TXK: variants seen among roughly 807,000 people sequenced by gnomAD.
The protein encoded by TXK is tyrosine-protein kinase TXK.
A neutral mutation model predicts 81.0 loss-of-function variants in TXK; 60 were observed. The observed-to-expected ratio is 0.74, with a 90% CI of 0.60 to 0.92. The LOEUF (loss-of-function observed/expected upper bound fraction) is 0.92, where lower values mean the gene tolerates loss of function less well. Ranked by LOEUF, TXK falls within the 40% of genes least tolerant of loss-of-function variation. The pLI, the probability that TXK is intolerant of heterozygous loss-of-function variation, is 0.00. For missense variants in TXK, 581 were observed against 638.3 expected (o/e 0.91, Z 0.97); for synonymous variants, 203 against 210.7 (o/e 0.96, Z 0.32).
intron 1 of TXK, among the ~76,000 whole-genome samples, chr4:48,124,146 T>C (rs1219429834): frequency 6.6e-6 from 1 of 152,116 alleles, no homozygotes; most frequent in African/African-American, 2.4e-5. Context: ...CTTCCCAATC[T>C]CACCACTATC....
intron 1 of TXK, among the ~76,000 whole-genome samples, chr4:48,129,903 G>C (rs548971518): frequency 1.3e-5 from 2 of 152,308 alleles, no homozygotes; most frequent in African/African-American, 4.8e-5. Flanking sequence ...ATGTGAAGAA[G>C]TGCTTGGCCA....
At chr4:48,094,761 A>G (rs1196894800) in intron 7 of TXK, among the ~76,000 whole-genome samples, 2 of 152,160 alleles carry the variant, frequency 1.3e-5, no homozygotes, top group South Asian at 2.1e-4. Context: ...AGGCACTTTC[A>G]GCTTAGCCAC....
intron 10 of TXK, among the ~76,000 whole-genome samples, chr4:48,080,662 T>TCTCACACA (rs370259787): frequency 1.4e-5 from 2 of 144,476 alleles, no homozygotes; most frequent in African/African-American, 5.2e-5. Flanking sequence ...TATTTGGTAA[T>TCTCACACA]CACACACACA....
chr4:48,082,847 C>A (rs1351341237), intron 10 of TXK, among the ~76,000 whole-genome samples: 1 of 152,140 alleles, frequency 6.6e-6, no homozygotes, highest in Non-Finnish European at 1.5e-5. Flanking sequence ...CTGGACCAGT[C>A]AGAGAATCGG....
intron 11 of TXK, among the ~76,000 whole-genome samples, chr4:48,077,354 G>A (rs1717112674): frequency 6.6e-6 from 1 of 152,142 alleles, no homozygotes; most frequent in African/African-American, 2.4e-5. Flanking sequence ...CAAGAAACTT[G>A]AAATAATAAA....
chr4:48,102,508 T>C (rs1255572874), intron 6 of TXK, among the ~76,000 whole-genome samples: 3 of 152,216 alleles, frequency 2.0e-5, no homozygotes, highest in Non-Finnish European at 4.4e-5. Flanking sequence ...GGCAAGAATG[T>C]TGGAAACCAG....
chr4:48,095,100 G>GCC, intron 7 of TXK, 43 bp downstream of exon 7: 2 of 1,425,244 alleles, frequency 1.4e-6, no homozygotes, highest in Non-Finnish European at 2.0e-6. Flanking sequence ...TGGAGACTGT[G>GCC]CCAGGGATTA....
chr4:48,089,866 A>C (rs1717691127), intron 8 of TXK, 42 bp from the exon 9 acceptor site: 4 of 1,394,782 alleles, frequency 2.9e-6, no homozygotes, highest in Non-Finnish European at 4.1e-6. Flanking sequence ...CTAGTTGCTA[A>C]TATAGAAGAA....
intron 12 of TXK, among the ~76,000 whole-genome samples, chr4:48,074,726 C>A (rs1279891478): frequency 6.6e-6 from 1 of 151,952 alleles, no homozygotes; most frequent in East Asian, 1.9e-4. Flanking sequence ...TGCTTGTTGC[C>A]CCTTAAATAT....
chr4:48,098,789 C>T (rs1190313039), intron 6 of TXK, among the ~76,000 whole-genome samples: 1 of 152,098 alleles, frequency 6.6e-6, no homozygotes, highest in Admixed American at 6.5e-5. Flanking sequence ...TAGCAAAACT[C>T]TGCCTCTACT....
Position 48,086,594 on chromosome 4 carries a change from C to T in TXK, c.828G>A (p.Glu276=). ...IDPSELAFIK[E]IGSGQFGVVH... is the part of the protein sequence containing the mutation. The stretch of plus-strand genomic sequence containing the variant: ...CCACTCCAAACTGACCGCTTCCAAT[C>T]TCCTTTATAAAAGCCAACTCAGATG... The change falls in exon 10 of 15, where the codon GAG becomes GAA. Residue 276 remains glutamate (E), a synonymous_variant. Coordinates refer to ENST00000264316, the MANE Select transcript of TXK (RefSeq NM_003328.3). The T allele has an allele frequency of 6.2e-7, 1 of 1,614,100 alleles. No individual in the cohort carries two copies. The highest frequency in any genetic ancestry group is 8.5e-7 in the Non-Finnish European group (1 of 1,179,990).
intron 1 of TXK, among the ~76,000 whole-genome samples, chr4:48,132,211 G>A (rs1191001499): frequency 6.6e-6 from 1 of 152,038 alleles, no homozygotes; most frequent in African/African-American, 2.4e-5. Flanking sequence ...GCTTTAATCT[G>A]ATATGACTGA....
chr4:48,125,524 C>G (rs1719068734), intron 1 of TXK, among the ~76,000 whole-genome samples: 1 of 152,222 alleles, frequency 6.6e-6, no homozygotes, highest in Non-Finnish European at 1.5e-5. Context: ...TTCCCCCGTT[C>G]AGGACTCCAG....
intron 10 of TXK, among the ~76,000 whole-genome samples, chr4:48,082,325 G>A (rs964847174): frequency 1.8e-4 from 28 of 152,146 alleles, no homozygotes; most frequent in African/African-American, 6.3e-4. Context: ...CAGACACTGA[G>A]ACTGATAGAA....
chr4:48,117,296 G>C (rs557734091), intron 1 of TXK, among the ~76,000 whole-genome samples: 21 of 152,278 alleles, frequency 1.4e-4, no homozygotes, highest in Non-Finnish European at 2.6e-4. Context: ...CATTCCTGTA[G>C]GATTTGGGTT....
intron 10 of TXK, among the ~76,000 whole-genome samples, chr4:48,085,634 C>A (rs1717492285): frequency 6.6e-6 from 1 of 152,076 alleles, no homozygotes; most frequent in Non-Finnish European, 1.5e-5. Context: ...CTGCCACACC[C>A]CTGTACTGTG....
intron 6 of TXK, among the ~76,000 whole-genome samples, chr4:48,100,617 A>G (rs1718157101): frequency 6.6e-6 from 1 of 152,202 alleles, no homozygotes; most frequent in African/African-American, 2.4e-5. Flanking sequence ...TACAACTCCT[A>G]CTGAGGACAT....
intron 8 of TXK, among the ~76,000 whole-genome samples, chr4:48,092,155 A>G (rs1028240020): frequency 6.6e-6 from 1 of 152,200 alleles, no homozygotes; most frequent in Admixed American, 6.5e-5. Flanking sequence ...ATCCTACTTC[A>G]TCAGTGAAGT....
intron 8 of TXK, among the ~76,000 whole-genome samples, chr4:48,090,767 A>T (rs1717733514): frequency 1.3e-5 from 2 of 152,322 alleles, no homozygotes; most frequent in African/African-American, 2.4e-5. Context: ...GAAAAAGTAG[A>T]TAATGATGAT....
Sources: allele counts gnomAD v4.1 joint callset (sites outside exome capture counted in the v4.1 genomes callset), GRCh38; gene constraint gnomAD v4.1.1; transcripts MANE v1.5; gene names NCBI Gene and HGNC (gene_info 2026-07-23, HGNC 2026-07-21).